Variants in C12orf50 observed in about 807,000 individuals in gnomAD.
The protein encoded by C12orf50 is zinc finger CCCH-type containing 11D, also known as uncharacterized protein C12orf50.
In C12orf50, 35 loss-of-function variants were observed where a neutral mutation model predicts 61.6. That is an observed-to-expected ratio of 0.57 (90% CI 0.43 to 0.75). The LOEUF is 0.75. Ranked by LOEUF, C12orf50 falls within the 30% of genes least tolerant of loss-of-function variation. C12orf50 has a pLI of 0.00. For synonymous variants in C12orf50, 178 were observed against 161.5 expected, an observed-to-expected ratio of 1.10 and a Z score of -0.77; for missense variants, 475 against 488.5, an observed-to-expected ratio of 0.97 and a Z score of 0.26.
chr12:88,008,273 T>G (rs190674417), intron 3 of C12orf50, among the ~76,000 whole-genome samples: 1 of 152,298 alleles, frequency 6.6e-6, no homozygotes, highest in Non-Finnish European at 1.5e-5. Context: ...GTGTCCATTT[T>G]TCTCATCATT....
intron 6 of C12orf50, among the ~76,000 whole-genome samples, chr12:87,995,616 T>C (rs1465202277): frequency 1.3e-5 from 2 of 152,180 alleles, no homozygotes; most frequent in Non-Finnish European, 2.9e-5. Context: ...AAAGTACATA[T>C]AATTGTCTTT....
At chr12:88,013,815 T>G (rs577732574) in intron 3 of C12orf50, among the ~76,000 whole-genome samples, 34 of 152,252 alleles carry the variant, frequency 2.2e-4, no homozygotes, top group African/African-American at 7.9e-4. Context: ...ATCAGTTTAA[T>G]TGGTGGTTTA....
intron 11 of C12orf50, chr12:87,984,158 T>C (rs1232622300): frequency 6.6e-6 from 1 of 152,110 alleles, no homozygotes; most frequent in Non-Finnish European, 1.5e-5. Context: ...GAGCATTTTT[T>C]CATGTGTCTT....
At chr12:88,009,002 T>C (rs1047870884) in intron 3 of C12orf50, among the ~76,000 whole-genome samples, 9 of 152,190 alleles carry the variant, frequency 5.9e-5, no homozygotes, top group Non-Finnish European at 1.0e-4. Flanking sequence ...CATCACTGTC[T>C]AGTATTGAAT....
chr12:88,007,802 A>G (rs2031943053), intron 3 of C12orf50, among the ~76,000 whole-genome samples: 1 of 152,198 alleles, frequency 6.6e-6, no homozygotes, highest in African/African-American at 2.4e-5. Flanking sequence ...TTGATATGCA[A>G]TAATTATCAA....
intron 3 of C12orf50, among the ~76,000 whole-genome samples, chr12:88,022,861 C>G (rs905588519): frequency 6.6e-6 from 1 of 152,030 alleles, no homozygotes; most frequent in Non-Finnish European, 1.5e-5. Flanking sequence ...AGAGATGATG[C>G]AAACAAATGG....
chr12:88,028,647 T>C (rs1232942246), intron 1 of C12orf50, among the ~76,000 whole-genome samples: 2 of 152,114 alleles, frequency 1.3e-5, no homozygotes. Context: ...GGAAAACAGA[T>C]TTATTACACT....
chr12:87,997,884 A>C (rs528910542), intron 4 of C12orf50, 151 bp downstream of exon 4: 1 of 627,472 alleles, frequency 1.6e-6, no homozygotes, highest in African/African-American at 1.8e-5. Flanking sequence ...ATTAGAACAT[A>C]ATGAATTAAA....
intron 3 of C12orf50, among the ~76,000 whole-genome samples, chr12:88,018,221 T>A (rs1475057725): frequency 2.0e-5 from 3 of 152,180 alleles, no homozygotes; most frequent in African/African-American, 7.2e-5. Flanking sequence ...ATGGACTTGG[T>A]GCCCTGTGTC....
chr12:87,992,100 G>T (rs538667117), intron 7 of C12orf50, among the ~76,000 whole-genome samples: 13 of 152,258 alleles, frequency 8.5e-5, no homozygotes, highest in African/African-American at 3.1e-4. Flanking sequence ...GGGGAGAGGT[G>T]GAAGGGGTTT....
At chr12:88,028,195 G>A (rs2032776505) in intron 1 of C12orf50, among the ~76,000 whole-genome samples, 1 of 152,104 alleles carries the variant, frequency 6.6e-6, no homozygotes, top group African/African-American at 2.4e-5. Flanking sequence ...AGTACTTGGG[G>A]ATACAGCAGT....
intron 3 of C12orf50, among the ~76,000 whole-genome samples, chr12:88,005,903 GT>G: frequency 7.8e-6 from 1 of 128,154 alleles, no homozygotes; most frequent in East Asian, 2.3e-4. Flanking sequence ...ATGTTTTTTT[GT>G]TTTTTTGGTT....
In C12orf50 at chr12:87,989,325, A is replaced by T; in HGVS notation, c.639T>A (p.Asp213Glu). ...VPQRVIFLGV[D>E]ESEALTEEKE... ...TCTCTTCAGTTAAAGCTTCACTTTC[A>T]TCGACTCCAAGAAATATGACCCTCT... Residue 213 changes from aspartate to glutamate, a missense_variant, in exon 8 of 13, where the codon GAT becomes GAA. Physicochemically the swap from Asp to Glu is conservative, Grantham distance 45 (BLOSUM62 2). Coordinates refer to ENST00000298699, the MANE Select transcript of C12orf50 (RefSeq NM_152589.3). 6.2e-7 allele frequency: 1 copy of T among 1,612,064 alleles called. No homozygotes were observed. Among genetic ancestry groups the T allele is most frequent in the Non-Finnish European group, 8.5e-7 (1 of 1,178,796 alleles).
intron 7 of C12orf50, among the ~76,000 whole-genome samples, chr12:87,990,325 A>G (rs1342643739): frequency 1.3e-5 from 2 of 152,138 alleles, no homozygotes; most frequent in Non-Finnish European, 2.9e-5. Flanking sequence ...CCTTTATTCT[A>G]CAAGTATTTA....
At chr12:88,006,704 G>C (rs2031899294) in intron 3 of C12orf50, among the ~76,000 whole-genome samples, 1 of 152,136 alleles carries the variant, frequency 6.6e-6, no homozygotes, top group African/African-American at 2.4e-5. Context: ...ATTCAGGCCT[G>C]AAAAATAGAG....
At position 87,989,320 on chromosome 12, in the gene C12orf50, C is replaced by T. The variant is rs1221621603; in HGVS notation, c.644G>A (p.Ser215Asn). 1 of 1,611,930 alleles carries T rather than the reference C, an allele frequency of 6.2e-7. No homozygotes were observed. Among genetic ancestry groups the T allele is most frequent in the Admixed American group, 1.7e-5 (1 of 59,814 alleles). ...QRVIFLGVDE[S>N]EALTEEKEIT... ...TTCTTTCTCTTCAGTTAAAGCTTCA[C>T]TTTCATCGACTCCAAGAAATATGAC... Residue 215 changes from serine to asparagine, a missense_variant, in exon 8 of 13, where the codon AGT (serine) becomes AAT (asparagine). Transcript: ENST00000298699.
chr12:88,028,215 A>C (rs1221524860), intron 1 of C12orf50, among the ~76,000 whole-genome samples: 1 of 152,212 alleles, frequency 6.6e-6, no homozygotes, highest in African/African-American at 2.4e-5. Context: ...TGAAATAGAC[A>C]AAACACTCTG....
chr12:88,011,038 T>C (rs1199985697), intron 3 of C12orf50, among the ~76,000 whole-genome samples: 1 of 152,136 alleles, frequency 6.6e-6, no homozygotes, highest in Non-Finnish European at 1.5e-5. Context: ...GTCACCTTGA[T>C]TTTTCTACCA....
At position 87,996,469 on chromosome 12, in the gene C12orf50, T is replaced by A. The variant is rs747780348; in HGVS notation, c.386A>T (p.His129Leu). Residue 129 changes from histidine to leucine, a missense_variant, in exon 6 of 13, where the codon CAT becomes CTT. By Grantham distance (99) the His-to-Leu change is moderately conservative (BLOSUM62 -3). Coordinates refer to ENST00000298699, the MANE Select transcript of C12orf50 (RefSeq NM_152589.3). ...TGATGACAAAATATCTGGAGGAGTA[T>A]GAAATCTGTAGTATTCCCCTAATCA... is the stretch of plus-strand genomic sequence containing the variant. ...CYKSGEYYRF[H>L]TPPDILSSKS... 6.2e-7 allele frequency: 1 copy of A among 1,612,350 alleles called. No homozygotes were observed. Among genetic ancestry groups the A allele is most frequent in the South Asian group, 1.1e-5 (1 of 91,040 alleles).
Sources: allele counts gnomAD v4.1 joint callset (sites outside exome capture counted in the v4.1 genomes callset), GRCh38; gene constraint gnomAD v4.1.1; transcripts MANE v1.5; gene names NCBI Gene and HGNC (gene_info 2026-07-23, HGNC 2026-07-21).